Variants in CEP120 observed in about 807,000 individuals in gnomAD.
CEP120 encodes centrosomal protein of 120 kDa.
Under a neutral mutation model 126.5 loss-of-function variants are expected in CEP120, and 113 were observed. That is an observed-to-expected ratio of 0.89 (90% CI 0.77 to 1.04). The LOEUF (loss-of-function observed/expected upper bound fraction) is 1.04. CEP120 is among the 50% of genes least tolerant of loss of function. The pLI, the probability that CEP120 is intolerant of heterozygous loss-of-function variation, is 0.00. For missense variants in CEP120, 1,230 were observed against 1,155.7 expected (o/e 1.06, Z -0.93); for synonymous variants, 400 against 394.3 (o/e 1.01, Z -0.17).
chr5:123,372,773 C>T lies in CEP120; in HGVS notation c.2359-1G>A. ...TATACTTATTTTCAGCATCATTAAG[C>T]TGTATTAAAAAAAGTTTAGCCATTT... is the stretch of plus-strand genomic sequence containing the variant. On this transcript the variant is annotated splice_acceptor_variant, in intron 16 of 19. Transcript: ENST00000306467. LOFTEE classifies it high-confidence loss of function. The T allele has an allele frequency of 6.3e-7, 1 of 1,592,808 alleles. No homozygotes were observed. Among genetic ancestry groups the T allele is most frequent in the Non-Finnish European group, 8.5e-7 (1 of 1,170,480 alleles).
intron 4 of CEP120, among the ~76,000 whole-genome samples, chr5:123,406,455 G>GA (rs1366822840): frequency 2.1e-5 from 3 of 140,810 alleles, no homozygotes. Flanking sequence ...CAAAGCTAAA[G>GA]AAAAAATACT....
At chr5:123,349,797 C>T (rs1041500796) in intron 19 of CEP120, 147 bp downstream of exon 19, 1 of 647,588 alleles carries the variant, frequency 1.5e-6, no homozygotes, top group African/African-American at 1.9e-5. Context: ...CGCCACAGTA[C>T]CCAGCTGGCA....
chr5:123,416,070 T>C lies in CEP120; in HGVS notation c.261A>G (p.Ser87=). The C allele has an allele frequency of 6.2e-7, 1 of 1,614,166 alleles. No homozygotes were observed. Among genetic ancestry groups the C allele is most frequent in the Non-Finnish European group, 8.5e-7 (1 of 1,179,984 alleles). ...LQCFALDPVT[S]AKETIGYIVL... ...CGATGTAACCTATGGTTTCCTTGGC[T>C]GAAGTTACAGGATCCAAGGCAAAAC... is the stretch of plus-strand genomic sequence containing the variant. Residue 87 remains serine, a synonymous_variant, in exon 3 of 20, where the codon TCA becomes TCG. Transcript: ENST00000306467.
chr5:123,378,294 C>G, intron 15 of CEP120, 42 bp downstream of exon 15: 1 of 1,434,072 alleles, frequency 7.0e-7, no homozygotes, highest in Non-Finnish European at 9.6e-7. Context: ...TTGCAATAAA[C>G]CCCTCTATGC....
At chr5:123,414,955 G>A (rs1374126657) in intron 3 of CEP120, among the ~76,000 whole-genome samples, 1 of 112,106 alleles carries the variant, frequency 8.9e-6, no homozygotes, top group Non-Finnish European at 1.7e-5. Context: ...CTGGGCAACA[G>A]AGCAAGACTC....
At chr5:123,407,105 T>TA (rs34074238) in intron 4 of CEP120, among the ~76,000 whole-genome samples, 57,342 of 124,434 alleles carry the variant, frequency 0.46, 11,307 homozygotes, top group South Asian at 0.51. Context: ...ACTAAAAAAG[T>TA]AAAAAAAAAA....
chr5:123,380,225 C>T (rs1771543361), intron 14 of CEP120, among the ~76,000 whole-genome samples: 1 of 151,898 alleles, frequency 6.6e-6, no homozygotes, highest in Non-Finnish European at 1.5e-5. Flanking sequence ...TTTTTTCTCA[C>T]TACTGACTTG....
Position 123,349,963 on chromosome 5 carries a change from T to C in CEP120, c.2707A>G (p.Ile903Val), listed in dbSNP as rs138517071. 9.2e-5 allele frequency: 148 copies of C among 1,613,724 alleles called. No homozygotes were observed. In the African/African-American group the frequency reaches 1.0e-3, roughly 11 times the overall value. Residue 903 changes from isoleucine (I) to valine (V), a missense_variant, in exon 19 of 20, where the codon ATA (isoleucine) becomes GTA (valine). Transcript: ENST00000306467. ...VKTERQELLD[I>V]RNELNRLRQQ... ...TTATACCTGTTCAATTCATTTCTTA[T>C]ATCCAACAATTCTTGTCGCTCGGTT...
intron 14 of CEP120, 89 bp from the exon 15 acceptor site, chr5:123,378,517 A>G (rs1185301139): frequency 1.5e-6 from 1 of 654,376 alleles, no homozygotes. Flanking sequence ...ACATCATTTC[A>G]CTGAAACAGA....
chr5:123,395,287 G>A (rs1313097875), intron 5 of CEP120, among the ~76,000 whole-genome samples: 1 of 152,118 alleles, frequency 6.6e-6, no homozygotes, highest in Non-Finnish European at 1.5e-5. Flanking sequence ...ATTGTCACTA[G>A]CCGGCCTTCC....
intron 2 of CEP120, among the ~76,000 whole-genome samples, chr5:123,417,919 T>A (rs1325230724): frequency 6.6e-6 from 1 of 151,928 alleles, no homozygotes; most frequent in Non-Finnish European, 1.5e-5. Flanking sequence ...TGTTTAACTG[T>A]TATTGTTGCA....
chr5:123,348,030 A>G (rs1215737967), intron 19 of CEP120, among the ~76,000 whole-genome samples: 1 of 152,164 alleles, frequency 6.6e-6, no homozygotes, highest in African/African-American at 2.4e-5. Context: ...CCAGTACTGA[A>G]TACTGAACAC....
Position 123,401,735 on chromosome 5 carries a change from G to A in CEP120, c.464-2451C>T. On this transcript the variant is annotated intron_variant, in intron 4 of 19. Coordinates refer to ENST00000306467, the MANE Select transcript of CEP120 (RefSeq NM_001375405.1). ...CTCCAGCTCTACCTTGTTAATGTAA[G>A]CTTCATCCACAATCCTTCTTGATGA... 10 of 1,210,920 alleles carry A rather than the reference G, an allele frequency of 8.3e-6. 1 individual carries two copies. The South Asian group carries it at 1.2e-4, about 15-fold the overall frequency. 75.0% of individuals were successfully genotyped at this position (1,210,920 alleles called of 1,614,324 possible).
chr5:123,347,623 C>T (rs1307733677), intron 19 of CEP120, among the ~76,000 whole-genome samples: 2 of 152,044 alleles, frequency 1.3e-5, no homozygotes, highest in Non-Finnish European at 2.9e-5. Flanking sequence ...TGTCTTGAAA[C>T]TGGAGCAGTA....
intron 17 of CEP120, among the ~76,000 whole-genome samples, chr5:123,365,454 G>A (rs1211633604): frequency 6.6e-6 from 1 of 151,572 alleles, no homozygotes. Flanking sequence ...CTCTGAACCG[G>A]TCTAATTTTT....
In CEP120 at chr5:123,346,480, TTTAGAC is replaced by T. The variant is rs772264836; in HGVS notation, c.*33_*38del. On this transcript the variant is annotated 3_prime_UTR_variant, in exon 20 of 20. Coordinates refer to ENST00000306467, the MANE Select transcript of CEP120 (RefSeq NM_001375405.1). ...TGAGGTTTTTACAAAGAAATTAAAA[TTTAGAC>T]TTAGAGTCTCTATAAAGCTTTTCCA... 27 of 1,422,442 alleles carry T rather than the reference TTTAGAC, an allele frequency of 1.9e-5. No individual in the cohort carries two copies. The South Asian group carries it at 3.2e-4, about 17-fold the overall frequency. The allele number at this position is 1,422,442 out of a possible 1,614,324, so 88.1% of individuals were successfully genotyped here. A position where few individuals can be genotyped will look rare whatever the true frequency, so the allele number is the denominator to read the frequency against.
chr5:123,371,691 C>A (rs1279523919), intron 17 of CEP120, among the ~76,000 whole-genome samples: 2 of 151,970 alleles, frequency 1.3e-5, no homozygotes, highest in African/African-American at 4.8e-5. Flanking sequence ...TCAACTACTG[C>A]CAGCGAAAAT....
rs762565021 is a variant in CEP120 at position 123,346,486 on chromosome 5, C to T, written c.*33G>A. 6.9e-6 allele frequency: 10 copies of T among 1,455,662 alleles called. No homozygotes were observed. In the Middle Eastern group the frequency reaches 1.2e-3, roughly 181 times the overall value. 90.2% of individuals were successfully genotyped at this position (1,455,662 alleles called of 1,614,324 possible). ...TTTTACAAAGAAATTAAAATTTAGA[C>T]TTAGAGTCTCTATAAAGCTTTTCCA... On this transcript the variant is annotated 3_prime_UTR_variant, in exon 20 of 20. Transcript: ENST00000306467.
chr5:123,386,720 G>A (rs944658560), intron 9 of CEP120, 53 bp from the exon 10 acceptor site: 69 of 1,244,938 alleles, frequency 5.5e-5, no homozygotes, highest in Non-Finnish European at 6.6e-5. Flanking sequence ...ATGGTTTACA[G>A]ATGACATTCA....
Sources: gnomAD v4.1 joint callset for allele counts (sites outside exome capture counted in the v4.1 genomes callset) on GRCh38, gnomAD v4.1.1 for gene constraint, MANE v1.5 for transcripts, NCBI Gene and HGNC (gene_info 2026-07-23, HGNC 2026-07-21) for gene names.